The following ARHGAP6 variants were observed in gnomAD, a reference collection of about 807,000 sequenced individuals.
The protein encoded by ARHGAP6 is rho GTPase-activating protein 6.
Under a neutral mutation model 55.7 loss-of-function variants are expected in ARHGAP6, and 16 were observed. That is an observed-to-expected ratio of 0.29 (90% confidence interval 0.19 to 0.44). The LOEUF (loss-of-function observed/expected upper bound fraction) is 0.44, where lower values mean the gene tolerates loss of function less well. Among genes scored for constraint, ARHGAP6 ranks in the 20% least tolerant of loss-of-function variants. The pLI is 1.00. For synonymous variants in ARHGAP6, 382 were observed against 360.9 expected (o/e 1.06, Z -0.66); for missense variants, 698 against 808.9 (o/e 0.86, Z 1.66).
intron 1 of ARHGAP6, among the ~76,000 whole-genome samples, chrX:11,462,943 G>A (rs1174077646): frequency 8.9e-6 from 1 of 112,699 alleles, no homozygotes; most frequent in African/African-American, 3.2e-5. Flanking sequence ...GTACTTGAGT[G>A]TATTCTTGTA....
intron 8 of ARHGAP6, among the ~76,000 whole-genome samples, chrX:11,174,303 A>T (rs2046136803): frequency 9.0e-6 from 1 of 111,614 alleles, no homozygotes; most frequent in Non-Finnish European, 1.9e-5. Flanking sequence ...TTTCTGGCCC[A>T]TGCTCATCAC....
chrX:11,437,203 A>G (rs1336003354), intron 1 of ARHGAP6, among the ~76,000 whole-genome samples: 1 of 112,011 alleles, frequency 8.9e-6, no homozygotes, highest in Non-Finnish European at 1.9e-5. Context: ...AGCTGAACCT[A>G]GATTACCATC....
intron 1 of ARHGAP6, among the ~76,000 whole-genome samples, chrX:11,464,347 A>G (rs961254992): frequency 6.2e-5 from 7 of 112,431 alleles, no homozygotes; most frequent in African/African-American, 1.9e-4. Context: ...AGCTCATATG[A>G]TTAATTTTTC....
In ARHGAP6 at chrX:11,244,521, T is replaced by C. The variant is rs761710261; in HGVS notation, c.748+10027A>G. ...TTTTTAAGTAATCTTGAGGGCTTGA[T>C]TCCAAATGACCTAAAAAGGCTGATT... On this transcript the variant is annotated intron_variant, in intron 2 of 12. Transcript: ENST00000337414. 4.5e-5 allele frequency among the ~76,000 whole-genome samples: 5 copies of C among 112,230 alleles called. No individual in the cohort carries two copies. In the Admixed American group the frequency reaches 4.7e-4, roughly 11 times the overall value.
intron 1 of ARHGAP6, among the ~76,000 whole-genome samples, chrX:11,517,587 T>C (rs185950176): frequency 1.6e-3 from 184 of 111,601 alleles, no homozygotes; most frequent in African/African-American, 5.6e-3. Context: ...ACTTTAATCC[T>C]ATGTGTTTGG....
At chrX:11,176,306 T>A (rs1188761215) in intron 8 of ARHGAP6, among the ~76,000 whole-genome samples, 1 of 12,532 alleles carries the variant, frequency 8.0e-5, no homozygotes, top group South Asian at 2.7e-3. Context: ...CATGCATATA[T>A]ATATATATAT....
intron 1 of ARHGAP6, among the ~76,000 whole-genome samples, chrX:11,538,850 T>TGTGTGG (rs1569388700): frequency 3.8e-4 from 23 of 60,151 alleles, no homozygotes; most frequent in African/African-American, 1.8e-3. Flanking sequence ...GTGTGTGTGG[T>TGTGTGG]TTTTTTTTTT....
chrX:11,178,850 A>G (rs374941905), intron 7 of ARHGAP6, among the ~76,000 whole-genome samples: 31 of 111,575 alleles, frequency 2.8e-4, no homozygotes, highest in African/African-American at 9.8e-4. Flanking sequence ...TGGGATCTGT[A>G]GCTACAGCCC....
intron 2 of ARHGAP6, among the ~76,000 whole-genome samples, chrX:11,240,562 A>G (rs1224845243): frequency 9.0e-6 from 1 of 111,561 alleles, no homozygotes; most frequent in African/African-American, 3.3e-5. Flanking sequence ...AATATTATTT[A>G]CAATATAATA....
intron 1 of ARHGAP6, among the ~76,000 whole-genome samples, chrX:11,491,878 G>A (rs1283556082): frequency 9.2e-6 from 1 of 108,143 alleles, no homozygotes; most frequent in African/African-American, 3.4e-5. Flanking sequence ...AGCACCTGTT[G>A]TTTCCTGATT....
At chrX:11,392,029 A>G (rs2049413679) in intron 1 of ARHGAP6, among the ~76,000 whole-genome samples, 1 of 112,252 alleles carries the variant, frequency 8.9e-6, no homozygotes, top group East Asian at 2.8e-4. Context: ...TAAAATAGAA[A>G]AAGAAGCATT....
At chrX:11,415,668 A>G (rs763716370) in intron 1 of ARHGAP6, among the ~76,000 whole-genome samples, 1 of 112,054 alleles carries the variant, frequency 8.9e-6, no homozygotes, top group South Asian at 3.8e-4. Flanking sequence ...GGCCAGTAGC[A>G]GGTGGGTGGA....
intron 2 of ARHGAP6, among the ~76,000 whole-genome samples, chrX:11,210,729 G>A (rs889304429): frequency 1.7e-4 from 19 of 112,046 alleles, no homozygotes; most frequent in African/African-American, 5.2e-4. Flanking sequence ...CAGTTATTGC[G>A]GAGTTTATGT....
At chrX:11,205,151 G>C (rs1321627909) in intron 2 of ARHGAP6, among the ~76,000 whole-genome samples, 1 of 111,354 alleles carries the variant, frequency 9.0e-6, no homozygotes, top group Non-Finnish European at 1.9e-5. Flanking sequence ...CTCCTAGGAG[G>C]TGTTGCATCA....
chrX:11,418,992 T>C (rs1238350865), intron 1 of ARHGAP6, among the ~76,000 whole-genome samples: 1 of 112,684 alleles, frequency 8.9e-6, no homozygotes, highest in East Asian at 2.8e-4. Flanking sequence ...CCCTTCTCTG[T>C]GCTGGTCTCA....
chrX:11,536,700 C>A (rs1320272478), intron 1 of ARHGAP6, among the ~76,000 whole-genome samples: 4 of 112,011 alleles, frequency 3.6e-5, no homozygotes, highest in African/African-American at 1.3e-4. Flanking sequence ...AAAATATGCA[C>A]AAAAACATAT....
rs34123570 is a variant in ARHGAP6 at position 11,344,678 on chromosome X, CAAAAAAAAAAAA to C, written c.589-89983_589-89972del. ...GGGCAACAAGAGTGAAACTCCATCA[CAAAAAAAAAAAA>C]AAAAAAAAAAAAAAGAAAAGAAAGA... On this transcript the variant is annotated intron_variant, in intron 1 of 12. Coordinates refer to ENST00000337414, the MANE Select transcript of ARHGAP6 (RefSeq NM_013427.3). Among the ~76,000 whole-genome samples, 2 of 28,271 alleles carry C rather than the reference CAAAAAAAAAAAA, an allele frequency of 7.1e-5. 1 individual carries two copies. The highest frequency in any genetic ancestry group is 1.2e-4 in the Non-Finnish European group (2 of 17,263). The allele number at this position is 28,271 out of a possible 115,157, so 24.5% of individuals were successfully genotyped here.
chrX:11,361,344 A>G (rs1240424277), intron 1 of ARHGAP6, among the ~76,000 whole-genome samples: 3 of 110,442 alleles, frequency 2.7e-5, no homozygotes, highest in Non-Finnish European at 5.7e-5. Context: ...CTCAGAAATA[A>G]CGCCGCATAT....
intron 3 of ARHGAP6, among the ~76,000 whole-genome samples, chrX:11,189,191 C>T (rs781530039): frequency 8.9e-6 from 1 of 112,131 alleles, no homozygotes; most frequent in East Asian, 2.8e-4. Flanking sequence ...TATAAACACA[C>T]ATCTTAGACA....
Sources: gnomAD v4.1 joint callset for allele counts (sites outside exome capture counted in the v4.1 genomes callset) on GRCh38, gnomAD v4.1.1 for gene constraint, MANE v1.5 for transcripts, NCBI Gene and HGNC (gene_info 2026-07-23, HGNC 2026-07-21) for gene names.